Variants in ASXL1 observed in about 807,000 individuals in gnomAD.
The protein encoded by ASXL1 is polycomb group protein ASXL1.
A neutral mutation model predicts 89.1 loss-of-function variants in ASXL1; 65 were observed. That is an observed-to-expected ratio of 0.73 (90% CI 0.60 to 0.90). ASXL1 has a LOEUF of 0.90. Ranked by LOEUF, ASXL1 falls within the 40% of genes least tolerant of loss-of-function variation. The pLI, the probability that ASXL1 is intolerant of heterozygous loss-of-function variation, is 0.00. For synonymous variants in ASXL1, 739 were observed against 746.9 expected (o/e 0.99, Z 0.17); for missense variants, 1,786 against 1,942.9 (o/e 0.92, Z 1.52).
At chr20:32,434,002 C>T (rs1486698980) in intron 12 of ASXL1, 85 bp downstream of exon 12, 1 of 1,557,720 alleles carries the variant, frequency 6.4e-7, no homozygotes, top group Non-Finnish European at 8.8e-7. Context: ...ACTCTGGGGC[C>T]CTGAAGTTAA....
chr20:32,435,980 A>C lies in ASXL1; in HGVS notation c.3268A>C (p.Arg1090=). 6.2e-7 allele frequency: 1 copy of C among 1,614,176 alleles called. No homozygotes were observed. Among genetic ancestry groups the C allele is most frequent in the Non-Finnish European group, 8.5e-7 (1 of 1,180,036 alleles). ...GCTGGCCAGTACTGAGTACCAGCCAAGAGCCGTGTGCCTGTCCATGCCTGG... is the reference window on the plus strand; with the variant it reads ...GCTGGCCAGTACTGAGTACCAGCCACGAGCCGTGTGCCTGTCCATGCCTGG... The part of the protein sequence containing the change: ...LLLASTEYQP[R]AVCLSMPGSS... The change falls in exon 13 of 13, where the codon AGA becomes CGA. Residue 1090 remains arginine (R), a synonymous_variant. Coordinates refer to ENST00000375687, the MANE Select transcript of ASXL1 (RefSeq NM_015338.6).
chr20:32,431,898 A>G (rs2011527149), intron 10 of ASXL1, among the ~76,000 whole-genome samples: 1 of 152,208 alleles, frequency 6.6e-6, no homozygotes, highest in Non-Finnish European at 1.5e-5. Flanking sequence ...TATTGTATGT[A>G]TGTACTCATT....
At chr20:32,418,908 C>T (rs1186228675) in intron 4 of ASXL1, among the ~76,000 whole-genome samples, 1 of 138,522 alleles carries the variant, frequency 7.2e-6, no homozygotes, top group East Asian at 2.1e-4. Context: ...TCTTGGCCTA[C>T]TGTAATCTCC....
intron 4 of ASXL1, among the ~76,000 whole-genome samples, chr20:32,398,417 AT>A (rs1262794691): frequency 4.0e-5 from 6 of 150,696 alleles, no homozygotes; most frequent in African/African-American, 1.2e-4. Flanking sequence ...GTTCCAAAAC[AT>A]TTTTTTTTCT....
intron 4 of ASXL1, among the ~76,000 whole-genome samples, chr20:32,392,577 T>TG (rs933019204): frequency 6.7e-6 from 1 of 149,216 alleles, no homozygotes; most frequent in African/African-American, 2.4e-5. Flanking sequence ...ATCACGCCTG[T>TG]GCTGGGAGGC....
In ASXL1 at chr20:32,432,908, G is replaced by A. The variant is rs2011566752; in HGVS notation, c.1008G>A (p.Arg336=). 1.2e-6 allele frequency: 2 copies of A among 1,613,848 alleles called. No individual in the cohort carries two copies. The highest frequency in any genetic ancestry group is 1.7e-5 in the Admixed American group (1 of 60,000). Residue 336 remains arginine, a synonymous_variant, in exon 11 of 13, where the codon AGG becomes AGA. Coordinates refer to ENST00000375687, the MANE Select transcript of ASXL1 (RefSeq NM_015338.6). ...DGEFTHEMQV[R]IRQEMEKEKK... is the part of the protein sequence containing the mutation. ...AATTTACTCATGAGATGCAAGTCAG[G>A]ATACGACAGGAAATGGAGAAGGAAA...
chr20:32,424,942 A>G (rs1158910740), intron 4 of ASXL1, among the ~76,000 whole-genome samples: 1 of 151,328 alleles, frequency 6.6e-6, no homozygotes, highest in African/African-American at 2.4e-5. Context: ...CACCTCCCCT[A>G]CCCCCCACTG....
chr20:32,436,105 A>T lies in ASXL1; in HGVS notation c.3393A>T (p.Ser1131=). The T allele has an allele frequency of 6.2e-7, 1 of 1,614,204 alleles. No individual in the cohort carries two copies. ...VLPPAHDDSM[S]ESPQVPLTKD... is the part of the protein sequence containing the mutation. ...CACCAGCCCACGATGACAGCATGTC[A>T]GAATCCCCACAAGTACCACTTACAA... The change falls in exon 13 of 13, where the codon TCA becomes TCT. Residue 1131 remains serine, a synonymous_variant. Coordinates refer to ENST00000375687, the MANE Select transcript of ASXL1 (RefSeq NM_015338.6).
Position 32,429,333 on chromosome 20 carries a change from C to T in ASXL1, c.472-5C>T, listed in dbSNP as rs766901686. 94 of 1,613,852 alleles carry T rather than the reference C, an allele frequency of 5.8e-5. No homozygotes were observed. Among genetic ancestry groups the T allele is most frequent in the Admixed American group, 2.3e-4 (14 of 59,996 alleles). ...GGCTCTCTTTTGTTCTCTCTTGGAA[C>T]GCAGGCGAACAAACAAAAGAAAAAG... On this transcript the variant is annotated splice_region_variant and splice_polypyrimidine_tract_variant and intron_variant, in intron 6 of 12. Transcript: ENST00000375687. The surrounding 1 kb of genome is among the most constrained non-coding windows in gnomAD (Gnocchi z 4.9).
At chr20:32,396,754 G>A (rs938834794) in intron 4 of ASXL1, among the ~76,000 whole-genome samples, 1 of 151,972 alleles carries the variant, frequency 6.6e-6, no homozygotes, top group African/African-American at 2.4e-5. Context: ...TCCCCTAATA[G>A]TAATATAAAA....
chr20:32,428,131 GA>G lies in ASXL1; in HGVS notation c.257del (p.Asp86ValfsTer34). The G allele has an allele frequency of 1.2e-6, 2 of 1,613,306 alleles. No individual in the cohort carries two copies. The highest frequency in any genetic ancestry group is 1.7e-6 in the Non-Finnish European group (2 of 1,180,020). On this transcript the variant is annotated frameshift_variant, in exon 5 of 13. Transcript: ENST00000375687. LOFTEE classifies it high-confidence loss of function. Reference protein sequence around the residue: ...GRISLFTLKKDALQWSRHPAT... With the variant: ...GRISLFTLKKXALQWSRHPAT... ...GAGTTGTACCTTGCTGTCACAGAAG[GA>G]TGCCCTGCAGTGGTCTCGCCATCCA... is the stretch of plus-strand genomic sequence containing the variant.
At chr20:32,395,868 G>A (rs1314519370) in intron 4 of ASXL1, among the ~76,000 whole-genome samples, 1 of 152,014 alleles carries the variant, frequency 6.6e-6, no homozygotes, top group Non-Finnish European at 1.5e-5. Flanking sequence ...GCATGATCTT[G>A]GCTCGCTGCA....
At position 32,436,909 on chromosome 20, in the gene ASXL1, G is replaced by C. The variant is rs1454543776; in HGVS notation, c.4197G>C (p.Leu1399Phe). Reference sequence around the variant, plus strand: ...GTCCCCTGGAACTGGTGGGTCACTTGGAAGGGATGCCCTTTGTCATGGACT... The same window carrying C: ...GTCCCCTGGAACTGGTGGGTCACTTCGAAGGGATGCCCTTTGTCATGGACT... ...GHSPLELVGH[L>F]EGMPFVMDLP... The change falls in exon 13 of 13, where the codon TTG becomes TTC. Residue 1399 changes from leucine (L) to phenylalanine (F), a missense_variant. Transcript: ENST00000375687. 6.2e-7 allele frequency: 1 copy of C among 1,614,076 alleles called. No homozygotes were observed. Among genetic ancestry groups the C allele is most frequent in the Non-Finnish European group, 8.5e-7 (1 of 1,180,040 alleles).
rs954034889 is a variant in ASXL1, at chr20:32,358,658, GCGCCGCCGCTGCCACGCGCCCCCCCCAC to G, written c.-108_-81del. ...TCCCCGGCCGCACCCGAGACCTCGCGCGCCGCCGCTGCCACGCGCCCCCCCCACCGCCGCCGCCGCCCCAGCCCCGCGC... is the reference window on the plus strand; with the variant it reads ...TCCCCGGCCGCACCCGAGACCTCGCGCGCCGCCGCCGCCCCAGCCCCGCGC... On this transcript the variant is annotated 5_prime_UTR_variant, in exon 1 of 13. Coordinates refer to ENST00000375687, the MANE Select transcript of ASXL1 (RefSeq NM_015338.6). 3.8e-5 allele frequency: 11 copies of G among 291,974 alleles called. No individual in the cohort carries two copies. In the East Asian group the frequency reaches 4.9e-4, roughly 13 times the overall value. The allele number at this position is 291,974 out of a possible 1,614,324, so 18.1% of individuals were successfully genotyped here.
chr20:32,430,298 T>A, intron 8 of ASXL1: 1 of 550,826 alleles, frequency 1.8e-6, no homozygotes, highest in Non-Finnish European at 3.1e-6. Flanking sequence ...GTAGGCCTAG[T>A]CTATGCCTGC....
intron 4 of ASXL1, among the ~76,000 whole-genome samples, chr20:32,408,563 T>C (rs2048993724): frequency 6.6e-6 from 1 of 152,192 alleles, no homozygotes; most frequent in South Asian, 2.1e-4. Flanking sequence ...TATTTTTCTT[T>C]CTTTTTTAGA....
intron 4 of ASXL1, among the ~76,000 whole-genome samples, chr20:32,378,394 A>T (rs2048425302): frequency 6.6e-6 from 1 of 151,840 alleles, no homozygotes. Context: ...TCAGGTTGGC[A>T]CTCCAAAGGT....
In ASXL1 at chr20:32,433,831, C is replaced by T. The variant is rs137920574; in HGVS notation, c.1633C>T (p.Arg545Cys). Residue 545 changes from arginine (R) to cysteine (C), a missense_variant, in exon 12 of 13, where the codon CGT (arginine) becomes TGT (cysteine). Arg to Cys is a radical substitution (Grantham distance 180, BLOSUM62 -3). Coordinates refer to ENST00000375687, the MANE Select transcript of ASXL1 (RefSeq NM_015338.6). ...CGAAAAGAAGCCCCGGCTTGAAGAT[C>T]GTCAGTCCTTTCGTAACACAATTGA... ...FPEKKPRLED[R>C]QSFRNTIESV... 4.6e-5 allele frequency: 74 copies of T among 1,613,950 alleles called. No homozygotes were observed. In the African/African-American group the frequency reaches 7.9e-4, roughly 17 times the overall value.
chr20:32,359,912 G>A, intron 1 of ASXL1: 1 of 707,480 alleles, frequency 1.4e-6, no homozygotes. Flanking sequence ...CCTAAGATCT[G>A]TCACACAGCG....
Sources: allele counts gnomAD v4.1 joint callset (sites outside exome capture counted in the v4.1 genomes callset), GRCh38; gene constraint gnomAD v4.1.1; non-coding constraint Gnocchi (gnomAD v3.1); transcripts MANE v1.5; gene names NCBI Gene and HGNC (gene_info 2026-07-23, HGNC 2026-07-21).